The following PRKAA1 variants were observed in gnomAD, a reference collection of about 807,000 sequenced individuals.
The protein encoded by PRKAA1 is protein kinase AMP-activated catalytic subunit alpha 1.
PRKAA1 carries 23 observed loss-of-function variants against 56.9 expected under a neutral mutation model. The ratio of observed to expected loss-of-function variants is 0.40; its 90% CI spans 0.29 to 0.57. The LOEUF (loss-of-function observed/expected upper bound fraction) is 0.57, where lower values mean the gene tolerates loss of function less well. PRKAA1 is among the 20% of genes least tolerant of loss of function. The probability of loss-of-function intolerance (pLI) is 0.39; values close to 1 mark genes in which losing one functional copy is unlikely to be tolerated. For synonymous variants in PRKAA1, 226 were observed against 227.0 expected (o/e 1.00, Z 0.04); for missense variants, 413 against 679.7 (o/e 0.61, Z 4.36).
chr5:40,797,915 T>G, intron 1 of PRKAA1, 148 bp downstream of exon 1: 7 of 1,185,706 alleles, frequency 5.9e-6, no homozygotes, highest in Admixed American at 2.9e-5. Flanking sequence ...CCGCGGCGGC[T>G]GGGGAGAGCT....
chr5:40,777,803 T>A (rs1744082680), intron 1 of PRKAA1, among the ~76,000 whole-genome samples: 1 of 152,146 alleles, frequency 6.6e-6, no homozygotes, highest in Non-Finnish European at 1.5e-5. Context: ...CCGGGAGCGG[T>A]GGCTCATGCC....
intron 1 of PRKAA1, among the ~76,000 whole-genome samples, chr5:40,795,002 T>TAC (rs1268975851): frequency 1.7e-5 from 1 of 57,604 alleles, no homozygotes; most frequent in African/African-American, 5.5e-5. Flanking sequence ...GGTGTATACA[T>TAC]ATATATACAC....
intron 4 of PRKAA1, among the ~76,000 whole-genome samples, chr5:40,770,859 G>A (rs1743714013): frequency 6.6e-6 from 1 of 151,960 alleles, no homozygotes; most frequent in East Asian, 1.9e-4. Flanking sequence ...CCAAAATGCT[G>A]GGATTACAGG....
chr5:40,768,704 CAAAT>C, intron 5 of PRKAA1: 1 of 1,286,250 alleles, frequency 7.8e-7, no homozygotes, highest in Non-Finnish European at 9.8e-7. Flanking sequence ...AACATTCACA[CAAAT>C]AAGCATGGTT....
intron 1 of PRKAA1, among the ~76,000 whole-genome samples, chr5:40,785,884 C>T (rs996246670): frequency 2.2e-5 from 3 of 138,656 alleles, no homozygotes; most frequent in Non-Finnish European, 4.8e-5. Flanking sequence ...AGAGAGCAAG[C>T]GAGCGCAGCC....
Position 40,767,592 on chromosome 5 carries a change from G to C in PRKAA1, c.695C>G (p.Thr232Ser), listed in dbSNP as rs1405608420. 1 of 1,613,472 alleles carries C rather than the reference G, an allele frequency of 6.2e-7. No homozygotes were observed. Among genetic ancestry groups the C allele is most frequent in the Admixed American group, 1.7e-5 (1 of 60,012 alleles). The change falls in exon 6 of 9, where the codon ACT becomes AGT. Residue 232 changes from threonine (T) to serine (S), a missense_variant. Coordinates refer to ENST00000397128, the MANE Select transcript of PRKAA1 (RefSeq NM_006251.6). ...TLPFDDDHVPTLFKKICDGIF... is the reference protein window; with the variant it reads ...TLPFDDDHVPSLFKKICDGIF... ...CCCATCACATATCTTCTTAAAAAGA[G>C]TTGGCACATGGTCATCATCAAATGG...
intron 3 of PRKAA1, chr5:40,774,856 T>C (rs1743922292): frequency 8.0e-7 from 1 of 1,246,936 alleles, no homozygotes; most frequent in Non-Finnish European, 1.2e-6. Context: ...TTTGTATCTG[T>C]AACTTAAGGT....
intron 1 of PRKAA1, among the ~76,000 whole-genome samples, chr5:40,782,555 T>C (rs1029631328): frequency 6.6e-6 from 1 of 152,206 alleles, no homozygotes; most frequent in Admixed American, 6.5e-5. Flanking sequence ...ATGAAATGCA[T>C]GATTGTATTA....
chr5:40,792,572 A>T (rs1035734022), intron 1 of PRKAA1, among the ~76,000 whole-genome samples: 3 of 152,192 alleles, frequency 2.0e-5, no homozygotes, highest in African/African-American at 7.2e-5. Flanking sequence ...ATTTATATAA[A>T]TAACAGCAAA....
intron 1 of PRKAA1, among the ~76,000 whole-genome samples, chr5:40,778,471 C>A (rs1744118494): frequency 6.6e-6 from 1 of 152,034 alleles, no homozygotes; most frequent in Non-Finnish European, 1.5e-5. Context: ...GGGAAGGAGA[C>A]TTTTTTGCTG....
intron 1 of PRKAA1, among the ~76,000 whole-genome samples, chr5:40,793,821 C>A (rs1203847332): frequency 2.0e-5 from 3 of 152,176 alleles, no homozygotes; most frequent in African/African-American, 7.2e-5. Context: ...TGTCTCCCAG[C>A]CCAGCACGGT....
chr5:40,769,635 T>A (rs1363501218), intron 4 of PRKAA1, 132 bp from the exon 5 acceptor site: 1 of 722,158 alleles, frequency 1.4e-6, no homozygotes, highest in East Asian at 2.6e-5. Flanking sequence ...CAAAATCCTA[T>A]GGTCTATTGT....
chr5:40,777,838 C>G (rs996736070), intron 1 of PRKAA1, among the ~76,000 whole-genome samples: 1 of 151,822 alleles, frequency 6.6e-6, no homozygotes, highest in East Asian at 1.9e-4. Context: ...TTTGGGAGGC[C>G]GAGGCGGGCA....
chr5:40,794,219 T>C (rs918914234), intron 1 of PRKAA1, among the ~76,000 whole-genome samples: 8 of 152,240 alleles, frequency 5.3e-5, no homozygotes, highest in African/African-American at 1.9e-4. Context: ...ATTGTGGTTC[T>C]GATTTGCATT....
chr5:40,761,982 G>A lies in PRKAA1; in HGVS notation c.*796C>T, dbSNP rs767676019. 1 of 152,096 alleles carries A rather than the reference G, an allele frequency of 6.6e-6. No individual in the cohort carries two copies. The highest frequency in any genetic ancestry group is 2.1e-4 in the South Asian group (1 of 4,828). 9.4% of individuals were successfully genotyped at this position (152,096 alleles called of 1,614,324 possible). On this transcript the variant is annotated 3_prime_UTR_variant, in exon 9 of 9. Transcript: ENST00000397128. ...CCATACACTACAGAATTTTAAAAGGGGGATATGGAGGCCGGGTGCGGTGGC... is the reference window on the plus strand; with the variant it reads ...CCATACACTACAGAATTTTAAAAGGAGGATATGGAGGCCGGGTGCGGTGGC...
At chr5:40,786,620 A>G (rs1054306182) in intron 1 of PRKAA1, among the ~76,000 whole-genome samples, 1 of 151,602 alleles carries the variant, frequency 6.6e-6, no homozygotes, top group South Asian at 2.1e-4. Context: ...GAAATCATAC[A>G]ATCTGAAGAA....
At chr5:40,797,835 C>T (rs1745001898) in intron 1 of PRKAA1, among the ~76,000 whole-genome samples, 1 of 152,164 alleles carries the variant, frequency 6.6e-6, no homozygotes, top group Non-Finnish European at 1.5e-5. Context: ...GGCCGCGGCG[C>T]CGTCGCCATG....
intron 3 of PRKAA1, among the ~76,000 whole-genome samples, 176 bp downstream of exon 3, chr5:40,775,234 G>A (rs185869337): frequency 2.6e-5 from 4 of 152,274 alleles, no homozygotes; most frequent in Non-Finnish European, 5.9e-5. Flanking sequence ...ACAGGCTAAG[G>A]AGATAATCTT....
At chr5:40,787,870 T>C (rs574671944) in intron 1 of PRKAA1, among the ~76,000 whole-genome samples, 1 of 152,206 alleles carries the variant, frequency 6.6e-6, no homozygotes, top group South Asian at 2.1e-4. Flanking sequence ...TGTAAACAGA[T>C]TAAATTCTCC....
Sources: allele counts gnomAD v4.1 joint callset (sites outside exome capture counted in the v4.1 genomes callset), GRCh38; gene constraint gnomAD v4.1.1; transcripts MANE v1.5; gene names NCBI Gene and HGNC (gene_info 2026-07-23, HGNC 2026-07-21).